TRPM6: variants seen among roughly 807,000 people sequenced by gnomAD.
TRPM6 encodes the protein channel kinase 2.
TRPM6 carries 111 observed loss-of-function variants against 247.6 expected under a neutral mutation model. The observed-to-expected ratio is 0.45, with a 90% CI of 0.38 to 0.52. TRPM6 has a LOEUF of 0.52. Ranked by LOEUF, TRPM6 falls within the 20% of genes least tolerant of loss-of-function variation. TRPM6 has a pLI of 0.00. For missense variants in TRPM6, 2,126 were observed against 2,421.5 expected, an observed-to-expected ratio of 0.88 and a Z score of 2.56; for synonymous variants, 892 against 853.8, an observed-to-expected ratio of 1.04 and a Z score of -0.78.
At chr9:74,856,412 C>G (rs920537460) in intron 2 of TRPM6, among the ~76,000 whole-genome samples, 1 of 151,234 alleles carries the variant, frequency 6.6e-6, no homozygotes, top group African/African-American at 2.4e-5. Context: ...TGTACTGCAA[C>G]GTGGGGGACA....
chr9:74,851,281 G>A (rs1344004157), intron 3 of TRPM6, among the ~76,000 whole-genome samples: 1 of 151,342 alleles, frequency 6.6e-6, no homozygotes, highest in Non-Finnish European at 1.5e-5. Flanking sequence ...CAGGAGGGGG[G>A]TTAAAAAAAA....
intron 31 of TRPM6, 102 bp downstream of exon 31, chr9:74,747,787 T>A: frequency 9.6e-7 from 1 of 1,039,120 alleles, no homozygotes; most frequent in Non-Finnish European, 1.4e-6. Context: ...ACAAAAATCA[T>A]AAATACAATT....
At chr9:74,734,559 C>T (rs1825629776) in intron 36 of TRPM6, among the ~76,000 whole-genome samples, 1 of 152,124 alleles carries the variant, frequency 6.6e-6, no homozygotes, top group Admixed American at 6.5e-5. Context: ...AATAATGGGC[C>T]TAATCTTACA....
At chr9:74,752,990 G>A (rs1352638947) in intron 28 of TRPM6, among the ~76,000 whole-genome samples, 3 of 151,670 alleles carry the variant, frequency 2.0e-5, no homozygotes, top group Non-Finnish European at 2.9e-5. Context: ...GTGCATACCT[G>A]TAATTCCAGC....
At chr9:74,840,322 C>G (rs1002629041) in intron 4 of TRPM6, 85 bp from the exon 5 acceptor site, 1 of 865,202 alleles carries the variant, frequency 1.2e-6, no homozygotes, top group African/African-American at 1.7e-5. Flanking sequence ...AGCAGGGCAA[C>G]TGAAATGGCC....
intron 37 of TRPM6, among the ~76,000 whole-genome samples, chr9:74,729,059 G>A (rs1825432145): frequency 6.6e-6 from 1 of 152,200 alleles, no homozygotes; most frequent in African/African-American, 2.4e-5. Context: ...TCTAAGATCA[G>A]TGTTCATCCG....
intron 4 of TRPM6, among the ~76,000 whole-genome samples, chr9:74,840,690 A>C (rs1027720336): frequency 7.2e-5 from 11 of 152,072 alleles, no homozygotes; most frequent in Admixed American, 5.9e-4. Context: ...GGTGGCACAC[A>C]TCTGTAATCC....
At chr9:74,782,234 A>G in intron 23 of TRPM6, 128 bp downstream of exon 23, 3 of 694,228 alleles carry the variant, frequency 4.3e-6, no homozygotes, top group Non-Finnish European at 2.5e-6. Flanking sequence ...TGCATATTTC[A>G]AAACAATAAT....
intron 27 of TRPM6, 41 bp downstream of exon 27, chr9:74,761,655 G>T: frequency 2.4e-6 from 3 of 1,272,600 alleles, no homozygotes; most frequent in South Asian, 2.4e-5. Flanking sequence ...CCACTACCTT[G>T]ACTGCTCAAA....
At chr9:74,758,655 A>C (rs528252830) in intron 27 of TRPM6, among the ~76,000 whole-genome samples, 1 of 152,316 alleles carries the variant, frequency 6.6e-6, no homozygotes, top group African/African-American at 2.4e-5. Flanking sequence ...GGGCATCTAT[A>C]GAAAAACCTA....
chr9:74,740,974 T>C (rs1478334035), intron 33 of TRPM6, among the ~76,000 whole-genome samples: 3 of 152,160 alleles, frequency 2.0e-5, no homozygotes, highest in African/African-American at 7.2e-5. Context: ...CTTCCTTCCC[T>C]TGTGCCTTTG....
chr9:74,761,961 A>G (rs768653804), intron 26 of TRPM6, 38 bp downstream of exon 26: 2 of 1,600,190 alleles, frequency 1.2e-6, no homozygotes, highest in East Asian at 2.2e-5. Flanking sequence ...AGCAATGCAA[A>G]GGACTTAATG....
At chr9:74,852,125 G>T (rs1244638531) in intron 3 of TRPM6, among the ~76,000 whole-genome samples, 4 of 151,914 alleles carry the variant, frequency 2.6e-5, no homozygotes, top group African/African-American at 9.7e-5. Flanking sequence ...GAAAGAGCAA[G>T]ACCTTGCTTT....
intron 1 of TRPM6, among the ~76,000 whole-genome samples, chr9:74,871,719 C>CT (rs543482905): frequency 1.3e-4 from 19 of 151,324 alleles, no homozygotes; most frequent in South Asian, 6.3e-4. Context: ...TTACGAGCAA[C>CT]TTTTTTTTTG....
At chr9:74,753,077 C>G (rs1341023281) in intron 28 of TRPM6, among the ~76,000 whole-genome samples, 1 of 142,828 alleles carries the variant, frequency 7.0e-6, no homozygotes, top group African/African-American at 2.7e-5. Context: ...TGTGCCACTG[C>G]ACTCCAGCCT....
At chr9:74,823,641 A>C (rs1461913728) in intron 7 of TRPM6, among the ~76,000 whole-genome samples, 1 of 152,232 alleles carries the variant, frequency 6.6e-6, no homozygotes, top group East Asian at 1.9e-4. Context: ...GGTTTCTCTA[A>C]ATAGTCTTAT....
At chr9:74,845,731 G>A (rs989097786) in intron 3 of TRPM6, among the ~76,000 whole-genome samples, 5 of 152,096 alleles carry the variant, frequency 3.3e-5, no homozygotes, top group African/African-American at 1.2e-4. Context: ...TACTAGGGAG[G>A]CAGGAAAATC....
chr9:74,887,911 G>T lies in TRPM6; in HGVS notation c.-55C>A. Reference sequence around the variant, plus strand: ...CCTGTCTGAGCTTTTAACTGTGGAGGCAGAAACTCTGGGCTCCACCTCCAC... The same window carrying T: ...CCTGTCTGAGCTTTTAACTGTGGAGTCAGAAACTCTGGGCTCCACCTCCAC... On this transcript the variant is annotated 5_prime_UTR_variant, in exon 1 of 39. Transcript: ENST00000360774. 6.2e-7 allele frequency: 1 copy of T among 1,605,614 alleles called. No individual in the cohort carries two copies. The highest frequency in any genetic ancestry group is 1.1e-5 in the South Asian group (1 of 90,884).
chr9:74,848,454 A>G (rs1830178594), intron 3 of TRPM6, among the ~76,000 whole-genome samples: 1 of 152,164 alleles, frequency 6.6e-6, no homozygotes, highest in African/African-American at 2.4e-5. Context: ...AAGAGATTTT[A>G]TCATGCCACT....
Sources: allele counts gnomAD v4.1 joint callset (sites outside exome capture counted in the v4.1 genomes callset), GRCh38; gene constraint gnomAD v4.1.1; transcripts MANE v1.5; gene names NCBI Gene and HGNC (gene_info 2026-07-23, HGNC 2026-07-21).